SPATA6: variants seen among roughly 807,000 people sequenced by gnomAD.
SPATA6 encodes spermatogenesis associated 6.
A neutral mutation model predicts 65.3 loss-of-function variants in SPATA6; 56 were observed. The observed-to-expected ratio is 0.86, with a 90% CI of 0.69 to 1.07. The LOEUF (loss-of-function observed/expected upper bound fraction) is 1.07. SPATA6 is among the 50% of genes least tolerant of loss of function. The pLI, the probability that SPATA6 is intolerant of heterozygous loss-of-function variation, is 0.00. For missense variants in SPATA6, 590 were observed against 594.8 expected (o/e 0.99, Z 0.08); for synonymous variants, 199 against 213.2 (o/e 0.93, Z 0.58).
intron 9 of SPATA6, among the ~76,000 whole-genome samples, chr1:48,364,718 G>A (rs1479101097): frequency 2.6e-5 from 4 of 152,076 alleles, no homozygotes; most frequent in Non-Finnish European, 5.9e-5. Flanking sequence ...AGATGAGTAG[G>A]TTGCGAAAAT....
the SPATA6 span, among the ~76,000 whole-genome samples, chr1:48,287,972 G>A: frequency 6.6e-6 from 1 of 152,102 alleles, no homozygotes; most frequent in Non-Finnish European, 1.5e-5. Flanking sequence ...GTTGAAATAA[G>A]TTTCCTGTAT....
At chr1:48,412,095 CA>C (rs1652298962) in intron 4 of SPATA6, among the ~76,000 whole-genome samples, 1 of 152,130 alleles carries the variant, frequency 6.6e-6, no homozygotes, top group Non-Finnish European at 1.5e-5. Flanking sequence ...CTCCTGACCT[CA>C]TGATCTGCCC....
intron 9 of SPATA6, among the ~76,000 whole-genome samples, chr1:48,375,111 T>C (rs1168852214): frequency 6.6e-6 from 1 of 152,142 alleles, no homozygotes. Flanking sequence ...CTGTGACTTC[T>C]TTTAGCCTCT....
At chr1:48,396,199 A>G (rs1055805204) in intron 7 of SPATA6, among the ~76,000 whole-genome samples, 4 of 151,854 alleles carry the variant, frequency 2.6e-5, no homozygotes, top group Non-Finnish European at 5.9e-5. Context: ...AATCATAGTG[A>G]CGTACCCATT....
Position 48,310,585 on chromosome 1 carries a change from T to C in SPATA6, c.1195-4707A>G, listed in dbSNP as rs559237897. Among the ~76,000 whole-genome samples the C allele has an allele frequency of 2.6e-5, 4 of 152,246 alleles. No homozygotes were observed. In the South Asian group the frequency reaches 8.3e-4, roughly 32 times the overall value. On this transcript the variant is annotated intron_variant, in intron 11 of 12. Coordinates refer to ENST00000371847, the MANE Select transcript of SPATA6 (RefSeq NM_019073.4). ...AGGAGTTTTTTACTCTCATGCTGTA[T>C]TTGTCAGGATTCTCTAGAGAAAACA... is the stretch of plus-strand genomic sequence containing the variant.
At chr1:48,409,061 A>G (rs1017083866) in intron 5 of SPATA6, among the ~76,000 whole-genome samples, 4 of 152,198 alleles carry the variant, frequency 2.6e-5, no homozygotes, top group Non-Finnish European at 5.9e-5. Context: ...CATTAACTCA[A>G]AAGTCCACAG....
intron 11 of SPATA6, chr1:48,325,050 A>T (rs536489254): frequency 3.0e-6 from 1 of 329,768 alleles, no homozygotes; most frequent in Non-Finnish European, 5.9e-6. Flanking sequence ...TTCCCACCCA[A>T]TCCCACATTT....
At chr1:48,287,520 T>C in the SPATA6 span, among the ~76,000 whole-genome samples, 3 of 152,226 alleles carry the variant, frequency 2.0e-5, no homozygotes, top group Non-Finnish European at 4.4e-5. Flanking sequence ...TCATGAATGA[T>C]TTAGCACCAT....
At chr1:48,325,669 G>T (rs964457409) in intron 11 of SPATA6, 1 of 612,512 alleles carries the variant, frequency 1.6e-6, no homozygotes, top group African/African-American at 1.9e-5. Context: ...GCCCCAGTAA[G>T]CCCCTGAGTT....
At chr1:48,294,962 G>A (rs1181124266), downstream of SPATA6, among the ~76,000 whole-genome samples, 1 of 152,042 alleles carries the variant, frequency 6.6e-6, no homozygotes, top group East Asian at 1.9e-4. Context: ...TTCATACCAT[G>A]GAAGTTACCA....
At chr1:48,301,544 C>A (rs1374764013) in intron 12 of SPATA6, among the ~76,000 whole-genome samples, 13 of 150,530 alleles carry the variant, frequency 8.6e-5, no homozygotes, top group African/African-American at 3.2e-4. Flanking sequence ...CACACACACA[C>A]ACAAAAAAAA....
At chr1:48,287,478 T>A in the SPATA6 span, among the ~76,000 whole-genome samples, 1 of 152,218 alleles carries the variant, frequency 6.6e-6, no homozygotes, top group Admixed American at 6.5e-5. Context: ...TGTGGCTTGG[T>A]GAGAAGTAAT....
chr1:48,280,864 A>G, the SPATA6 span, among the ~76,000 whole-genome samples: 6 of 152,100 alleles, frequency 3.9e-5, no homozygotes, highest in East Asian at 5.8e-4. Context: ...ACCAAAGCCG[A>G]GCAGAGACAC....
At chr1:48,427,744 A>G (rs1475339972) in intron 3 of SPATA6, among the ~76,000 whole-genome samples, 1 of 152,186 alleles carries the variant, frequency 6.6e-6, no homozygotes, top group East Asian at 1.9e-4. Flanking sequence ...TAGAGGGTAC[A>G]TGTGCAGGTT....
chr1:48,324,098 C>T (rs371066408), intron 11 of SPATA6, among the ~76,000 whole-genome samples: 59 of 152,022 alleles, frequency 3.9e-4, no homozygotes, highest in East Asian at 3.1e-3. Flanking sequence ...AACAGATGTA[C>T]GCCACCACAC....
At chr1:48,436,111 G>C in intron 3 of SPATA6, 1 of 1,610,068 alleles carries the variant, frequency 6.2e-7, no homozygotes, top group South Asian at 1.1e-5. Context: ...AGCCAGTGAA[G>C]TACTATGTTC....
intron 9 of SPATA6, among the ~76,000 whole-genome samples, chr1:48,369,838 T>C (rs1422650893): frequency 2.0e-5 from 3 of 152,204 alleles, no homozygotes; most frequent in Non-Finnish European, 2.9e-5. Flanking sequence ...GTACCTCAGA[T>C]GGAAATGCAG....
At chr1:48,312,194 G>C (rs571897046) in intron 11 of SPATA6, among the ~76,000 whole-genome samples, 106 of 152,322 alleles carry the variant, frequency 7.0e-4, no homozygotes, top group Non-Finnish European at 9.1e-4. Context: ...AAATGTCCCT[G>C]TCTGACATCT....
rs1306394335 is a variant in SPATA6 at position 48,437,110 on chromosome 1, T to A, written c.238+14442A>T. On this transcript the variant is annotated intron_variant, in intron 3 of 12. Coordinates refer to ENST00000371847, the MANE Select transcript of SPATA6 (RefSeq NM_019073.4). ...AGAAGAAAGCCAGGATTCAATACTT[T>A]CACGGTTGCCTCCTGCTTATAACAA... 4 of 1,598,872 alleles carry A rather than the reference T, an allele frequency of 2.5e-6. No homozygotes were observed. The Admixed American group carries it at 6.7e-5, about 27-fold the overall frequency.
Sources: gnomAD v4.1 joint callset for allele counts (sites outside exome capture counted in the v4.1 genomes callset) on GRCh38, gnomAD v4.1.1 for gene constraint, MANE v1.5 for transcripts, NCBI Gene and HGNC (gene_info 2026-07-23, HGNC 2026-07-21) for gene names.